Variants in HYDIN observed in about 807,000 individuals in gnomAD.
HYDIN encodes the protein HYDIN axonemal central pair apparatus protein.
A neutral mutation model predicts 403.9 loss-of-function variants in HYDIN; 132 were observed. The ratio of observed to expected loss-of-function variants is 0.33; its 90% CI spans 0.28 to 0.38. HYDIN has a LOEUF of 0.38. Among genes scored for constraint, HYDIN ranks in the 10% least tolerant of loss-of-function variants. The probability of loss-of-function intolerance (pLI) is 1.00; values close to 1 mark genes in which losing one functional copy is unlikely to be tolerated. For synonymous variants in HYDIN, 1,202 were observed against 1,891.7 expected (o/e 0.64, Z 9.46); for missense variants, 2,827 against 5,009.5 (o/e 0.56, Z 13.15).
intron 7 of HYDIN, among the ~76,000 whole-genome samples, chr16:71,138,905 G>C (rs529556963): frequency 6.6e-6 from 1 of 152,174 alleles, no homozygotes; most frequent in East Asian, 1.9e-4. Flanking sequence ...TCCACATGGA[G>C]AAACCCCATC....
chr16:70,858,833 G>A (rs1220859985), intron 71 of HYDIN, among the ~76,000 whole-genome samples: 1 of 152,014 alleles, frequency 6.6e-6, no homozygotes, highest in Non-Finnish European at 1.5e-5. Flanking sequence ...TGTCTCTATG[G>A]TGGACCCAGC....
At chr16:71,030,509 T>G (rs2080868990) in intron 19 of HYDIN, among the ~76,000 whole-genome samples, 1 of 151,682 alleles carries the variant, frequency 6.6e-6, no homozygotes. Context: ...CTTGGCTCAC[T>G]GCAACCTCTG....
chr16:70,944,436 T>C (rs189092942), intron 41 of HYDIN, among the ~76,000 whole-genome samples: 1 of 152,280 alleles, frequency 6.6e-6, no homozygotes, highest in Admixed American at 6.5e-5. Context: ...AAAGACTATG[T>C]AGAGAGGATG....
rs1373938035 is a variant in HYDIN, at chr16:70,904,691, G to A, written c.8517-627C>T. On this transcript the variant is annotated intron_variant, in intron 50 of 85. Coordinates refer to ENST00000393567, the MANE Select transcript of HYDIN (RefSeq NM_001270974.2). Reference sequence around the variant, plus strand: ...AATTTTTTGTATTTTTAGTAGAAACGGGGTTTCACCATGTTAGCCAGGCTG... The same window carrying A: ...AATTTTTTGTATTTTTAGTAGAAACAGGGTTTCACCATGTTAGCCAGGCTG... 3.4e-5 allele frequency among the ~76,000 whole-genome samples: 5 copies of A among 149,246 alleles called. No individual in the cohort carries two copies. The Admixed American group carries it at 3.4e-4, about 10-fold the overall frequency.
intron 23 of HYDIN, among the ~76,000 whole-genome samples, chr16:71,010,593 C>A (rs2080049595): frequency 6.6e-6 from 1 of 151,760 alleles, no homozygotes; most frequent in Admixed American, 6.6e-5. Context: ...TAACCTCCTT[C>A]ATTTCACACA....
At chr16:70,916,779 A>G (rs1028028348) in intron 47 of HYDIN, among the ~76,000 whole-genome samples, 29 of 152,188 alleles carry the variant, frequency 1.9e-4, no homozygotes, top group African/African-American at 6.5e-4. Context: ...AATACTCCAT[A>G]GTCTGAATTC....
chr16:70,970,935 C>T (rs1388486948), intron 35 of HYDIN, among the ~76,000 whole-genome samples, 176 bp from the exon 36 acceptor site: 1 of 152,214 alleles, frequency 6.6e-6, no homozygotes, highest in African/African-American at 2.4e-5. Context: ...GGGTATTTAG[C>T]ATGCCAAGCA....
chr16:70,961,233 G>A (rs1191951239), intron 38 of HYDIN, among the ~76,000 whole-genome samples: 2 of 152,172 alleles, frequency 1.3e-5, no homozygotes, highest in African/African-American at 4.8e-5. Context: ...CCACTTGGGG[G>A]CCCATCAACA....
chr16:71,230,364 C>T (rs559255329), intron 1 of HYDIN, among the ~76,000 whole-genome samples, 198 bp downstream of exon 1: 1 of 152,220 alleles, frequency 6.6e-6, no homozygotes, highest in South Asian at 2.1e-4. Context: ...CAGGGGAATC[C>T]CAAGAACAAA....
chr16:71,217,498 T>C (rs1009529229), intron 1 of HYDIN, among the ~76,000 whole-genome samples: 5 of 152,104 alleles, frequency 3.3e-5, no homozygotes, highest in Non-Finnish European at 4.4e-5. Context: ...AAAATAAAAA[T>C]CCACGAGTGG....
intron 1 of HYDIN, among the ~76,000 whole-genome samples, chr16:71,187,175 T>TA (rs1442992641): frequency 6.6e-6 from 1 of 152,156 alleles, no homozygotes; most frequent in Non-Finnish European, 1.5e-5. Context: ...AAGTACAAGT[T>TA]ACTTCTACAT....
chr16:70,949,887 A>G (rs1027588420), intron 41 of HYDIN, among the ~76,000 whole-genome samples: 1 of 152,296 alleles, frequency 6.6e-6, no homozygotes, highest in Non-Finnish European at 1.5e-5. Flanking sequence ...TTCCCTGTCC[A>G]GATGGACAGA....
intron 41 of HYDIN, among the ~76,000 whole-genome samples, chr16:70,946,459 G>A (rs778025033): frequency 1.8e-4 from 28 of 152,156 alleles, no homozygotes; most frequent in South Asian, 4.2e-4. Context: ...TCCTTCAGGA[G>A]AGGTGAGAGT....
chr16:70,980,412 C>A (rs981437410), intron 29 of HYDIN, among the ~76,000 whole-genome samples: 4 of 151,582 alleles, frequency 2.6e-5, no homozygotes, highest in African/African-American at 9.7e-5. Flanking sequence ...GAAGCTGAAG[C>A]GGGAGGATCC....
chr16:71,170,708 G>T (rs564224860), intron 5 of HYDIN, among the ~76,000 whole-genome samples: 245 of 152,274 alleles, frequency 1.6e-3, no homozygotes, highest in Non-Finnish European at 3.1e-3. Flanking sequence ...GATATGTAAT[G>T]ATATTAAGGA....
rs2036626835 is a variant in HYDIN, at chr16:70,826,773, T to G, written c.14427+488A>C. Among the ~76,000 whole-genome samples the G allele has an allele frequency of 2.1e-5, 3 of 145,644 alleles. No individual in the cohort carries two copies. The South Asian group carries it at 6.3e-4, about 31-fold the overall frequency. On this transcript the variant is annotated intron_variant, in intron 83 of 85. Coordinates refer to ENST00000393567, the MANE Select transcript of HYDIN (RefSeq NM_001270974.2). ...TGTGTGTGTTCCTAGATACTTTCTT[T>G]TTTTCTTTTTCTTTTTACTTTAAAA...
intron 10 of HYDIN, among the ~76,000 whole-genome samples, chr16:71,095,340 G>T (rs1158818995): frequency 6.6e-6 from 1 of 152,072 alleles, no homozygotes; most frequent in African/African-American, 2.4e-5. Flanking sequence ...AATACTGCTA[G>T]TTTCTTATCT....
chr16:70,810,764 A>T (rs980201519), intron 84 of HYDIN, among the ~76,000 whole-genome samples: 5 of 151,986 alleles, frequency 3.3e-5, no homozygotes, highest in Non-Finnish European at 7.4e-5. Context: ...CGGGAAGGAG[A>T]GGTTGCAGTG....
At chr16:71,130,795 C>T (rs567281182) in intron 8 of HYDIN, among the ~76,000 whole-genome samples, 12 of 148,086 alleles carry the variant, frequency 8.1e-5, no homozygotes, top group African/African-American at 2.9e-4. Context: ...GCCTATATAC[C>T]GGTTTTCTCC....
Sources: gnomAD v4.1 joint callset for allele counts (sites outside exome capture counted in the v4.1 genomes callset) on GRCh38, gnomAD v4.1.1 for gene constraint, MANE v1.5 for transcripts, NCBI Gene and HGNC (gene_info 2026-07-23, HGNC 2026-07-21) for gene names.